Variants in TTC14 observed in about 807,000 individuals in gnomAD.
TTC14 encodes the protein tetratricopeptide repeat domain 14.
Under a neutral mutation model 79.9 loss-of-function variants are expected in TTC14, and 63 were observed. The ratio of observed to expected loss-of-function variants is 0.79; its 90% CI spans 0.64 to 0.97. The LOEUF (loss-of-function observed/expected upper bound fraction) is 0.97, where lower values mean the gene tolerates loss of function less well. TTC14 is among the 50% of genes least tolerant of loss of function. The probability of loss-of-function intolerance (pLI) is 0.00; values close to 1 mark genes in which losing one functional copy is unlikely to be tolerated. For missense variants in TTC14, 895 were observed against 894.0 expected, an observed-to-expected ratio of 1.00 and a Z score of -0.01; for synonymous variants, 335 against 309.6, an observed-to-expected ratio of 1.08 and a Z score of -0.86.
In TTC14 at chr3:180,609,822, T is replaced by C. The variant is rs141851614; in HGVS notation, c.1593T>C (p.Asn531=). The C allele has an allele frequency of 6.2e-6, 10 of 1,613,692 alleles. 1 individual carries two copies. The South Asian group carries it at 9.9e-5, about 16-fold the overall frequency. Residue 531 remains asparagine, a synonymous_variant, in exon 12 of 12, where the codon AAT becomes AAC. Coordinates refer to ENST00000296015, the MANE Select transcript of TTC14 (RefSeq NM_133462.4). ...SRASSNQIDQ[N]RKDECYPVPA... is the part of the protein sequence containing the mutation. ...CATCCTCAAATCAGATAGATCAGAATAGGAAAGATGAGTGCTACCCAGTTC... is the reference window on the plus strand; with the variant it reads ...CATCCTCAAATCAGATAGATCAGAACAGGAAAGATGAGTGCTACCCAGTTC...
downstream of TTC14, among the ~76,000 whole-genome samples, chr3:180,612,608 G>A (rs1576926984): frequency 1.3e-5 from 2 of 152,090 alleles, no homozygotes; most frequent in East Asian, 3.9e-4. Flanking sequence ...AAATAAGTTG[G>A]GTGTGGTGGT....
chr3:180,602,210 CGGAACAG>C lies in TTC14; in HGVS notation c.-46_-40del. The stretch of plus-strand genomic sequence containing the variant: ...TACCACCCGGCTCAAGTAGCGGACA[CGGAACAG>C]GGAACTATCAGCCCGTCGGCCTCCG... On this transcript the variant is annotated 5_prime_UTR_variant, in exon 1 of 12. Coordinates refer to ENST00000296015, the MANE Select transcript of TTC14 (RefSeq NM_133462.4). The C allele has an allele frequency of 6.3e-6, 10 of 1,594,134 alleles. No homozygotes were observed. Among genetic ancestry groups the C allele is most frequent in the Non-Finnish European group, 6.8e-6 (8 of 1,170,300 alleles).
chr3:180,613,814 C>CT (rs556233683), downstream of TTC14: 14 of 452,674 alleles, frequency 3.1e-5, no homozygotes, highest in East Asian at 7.0e-5. Context: ...TATTACCTAC[C>CT]TTTTTTTTCG....
intron 10 of TTC14, 68 bp from the exon 11 acceptor site, chr3:180,608,633 G>C: frequency 1.4e-6 from 2 of 1,389,058 alleles, no homozygotes; most frequent in Non-Finnish European, 1.9e-6. Context: ...GTGGTCTTTT[G>C]AATACTGGGT....
chr3:180,606,712 G>T, intron 9 of TTC14, 109 bp downstream of exon 9: 1 of 1,257,720 alleles, frequency 8.0e-7, no homozygotes. Context: ...TAACACTCTT[G>T]GTTTCAATAA....
chr3:180,604,371 T>TA, intron 4 of TTC14, 62 bp downstream of exon 4: 1 of 1,568,438 alleles, frequency 6.4e-7, no homozygotes, highest in Non-Finnish European at 8.7e-7. Context: ...TTTTATTAAT[T>TA]TAAAAAAATA....
At chr3:180,606,158 G>C (rs2033782095) in intron 7 of TTC14, 95 bp from the exon 8 acceptor site, 1 of 1,543,010 alleles carries the variant, frequency 6.5e-7, no homozygotes, top group Admixed American at 2.0e-5. Context: ...ATTTTGCCAA[G>C]TTTGATGACA....
At chr3:180,605,162 T>C in intron 6 of TTC14, 155 bp downstream of exon 6, 1 of 623,288 alleles carries the variant, frequency 1.6e-6, no homozygotes, top group Non-Finnish European at 2.7e-6. Context: ...TCTTCTGGAC[T>C]GGACTGTCTT....
At chr3:180,615,382 C>T (rs967609394), downstream of TTC14, among the ~76,000 whole-genome samples, 33 of 151,796 alleles carry the variant, frequency 2.2e-4, no homozygotes, top group Admixed American at 3.9e-4. Flanking sequence ...TTGAAAGTTT[C>T]CAAAACAGAG....
chr3:180,617,414 A>G (rs1211588571), exon 13 of TTC14: 1 of 663,686 alleles, frequency 1.5e-6, no homozygotes, highest in South Asian at 1.7e-5. Context: ...TAACTATAAA[A>G]CAGCCTCAGG....
At chr3:180,616,352 T>G (rs774318510) in intron 12 of TTC14, 16 of 1,612,278 alleles carry the variant, frequency 9.9e-6, no homozygotes, top group East Asian at 2.2e-5. Flanking sequence ...CTGTAGGTAG[T>G]TCTAACCCAC....
At chr3:180,616,199 C>G in intron 12 of TTC14, 2 of 1,162,860 alleles carry the variant, frequency 1.7e-6, no homozygotes, top group Non-Finnish European at 2.6e-6. Flanking sequence ...TGCCTAACAG[C>G]TGCGGTGATG....
At position 180,606,472 on chromosome 3, in the gene TTC14, T is replaced by C. The variant is rs1235448878; in HGVS notation, c.1050-9T>C. On this transcript the variant is annotated splice_polypyrimidine_tract_variant and intron_variant, in intron 8 of 11. Coordinates refer to ENST00000296015, the MANE Select transcript of TTC14 (RefSeq NM_133462.4). ...GATACAGCCCTCTATCTTTGTTTCA[T>C]GTCTCTAGATATGCGACAAAAGGAA... 1 of 1,613,372 alleles carries C rather than the reference T, an allele frequency of 6.2e-7. No homozygotes were observed. Among genetic ancestry groups the C allele is most frequent in the Non-Finnish European group, 8.5e-7 (1 of 1,179,834 alleles).
chr3:180,603,479 G>GT, intron 3 of TTC14, 156 bp downstream of exon 3: 2 of 682,802 alleles, frequency 2.9e-6, no homozygotes, highest in Non-Finnish European at 4.9e-6. Flanking sequence ...AAAAATTAGT[G>GT]TAAGTTACCC....
chr3:180,605,914 CA>C (rs1196451516), intron 7 of TTC14, 77 bp downstream of exon 7: 15 of 1,408,806 alleles, frequency 1.1e-5, no homozygotes, highest in Admixed American at 2.4e-5. Flanking sequence ...CTTATATCAT[CA>C]ATAAGACAAA....
intron 7 of TTC14, 138 bp from the exon 8 acceptor site, chr3:180,606,115 T>A: frequency 8.5e-7 from 1 of 1,181,852 alleles, no homozygotes; most frequent in Non-Finnish European, 1.2e-6. Context: ...AGAACGTTCC[T>A]TAGGTATATT....
Position 180,602,273 on chromosome 3 carries a change from C to T in TTC14, c.12C>T (p.Asp4=), listed in dbSNP as rs1716397836. 1.2e-6 allele frequency: 2 copies of T among 1,613,862 alleles called. No individual in the cohort carries two copies. The highest frequency in any genetic ancestry group is 1.3e-5 in the African/African-American group (1 of 74,942). MDR[D]LLRQSLNCHG... ...TGCATTCTCTAGCCATGGACCGGGA[C>T]CTTTTGCGGCAGTCGCTAAATTGCC... Residue 4 remains aspartate (D), a synonymous_variant, in exon 1 of 12, where the codon GAC becomes GAT. Coordinates refer to ENST00000296015, the MANE Select transcript of TTC14 (RefSeq NM_133462.4).
At position 180,609,605 on chromosome 3, in the gene TTC14, A is replaced by G. The variant is rs367782555; in HGVS notation, c.1401-25A>G. On this transcript the variant is annotated intron_variant, in intron 11 of 11. Coordinates refer to ENST00000296015, the MANE Select transcript of TTC14 (RefSeq NM_133462.4). Reference sequence around the variant, plus strand: ...AATTTAGAAACATTTTTGTATATATATGACAAATGAACTGTTTTTTTTAGG... The same window carrying G: ...AATTTAGAAACATTTTTGTATATATGTGACAAATGAACTGTTTTTTTTAGG... The G allele has an allele frequency of 2.3e-4, 352 of 1,518,168 alleles. 1 individual carries two copies. The highest frequency in any genetic ancestry group is 2.9e-4 in the Non-Finnish European group (331 of 1,138,786). 94.0% of individuals were successfully genotyped at this position (1,518,168 alleles called of 1,614,324 possible).
Position 180,610,727 on chromosome 3 carries a change from T to G in TTC14, c.*185T>G. 7.6e-7 allele frequency: 1 copy of G among 1,316,770 alleles called. No homozygotes were observed. Among genetic ancestry groups the G allele is most frequent in the Non-Finnish European group, 9.7e-7 (1 of 1,034,404 alleles). 81.6% of individuals were successfully genotyped at this position (1,316,770 alleles called of 1,614,324 possible). A position where few individuals can be genotyped will look rare whatever the true frequency, so the allele number is the denominator to read the frequency against. ...TCAGTTCTAGGTCCCTTGTCACAGC[T>G]TGGTTTTTAGACTTTTTATGTATAT... On this transcript the variant is annotated 3_prime_UTR_variant, in exon 12 of 12. Coordinates refer to ENST00000296015, the MANE Select transcript of TTC14 (RefSeq NM_133462.4).
Sources: gnomAD v4.1 joint callset for allele counts (sites outside exome capture counted in the v4.1 genomes callset) on GRCh38, gnomAD v4.1.1 for gene constraint, MANE v1.5 for transcripts, NCBI Gene and HGNC (gene_info 2026-07-23, HGNC 2026-07-21) for gene names.